Variants in ACCSL observed in about 807,000 individuals in gnomAD.
ACCSL encodes 1-aminocyclopropane-1-carboxylate synthase homolog (inactive) like, also known as probable inactive 1-aminocyclopropane-1-carboxylate synthase-like protein 2.
A neutral mutation model predicts 61.7 loss-of-function variants in ACCSL; 55 were observed. That is an observed-to-expected ratio of 0.89 (90% CI 0.72 to 1.12). The LOEUF (loss-of-function observed/expected upper bound fraction) is 1.12, where lower values mean the gene tolerates loss of function less well. ACCSL is among the 50% of genes most tolerant of loss of function. ACCSL has a pLI of 0.00. For synonymous variants in ACCSL, 258 were observed against 264.3 expected, an observed-to-expected ratio of 0.98 and a Z score of 0.23; for missense variants, 632 against 698.0, an observed-to-expected ratio of 0.91 and a Z score of 1.07.
the ACCSL span, among the ~76,000 whole-genome samples, chr11:43,994,478 A>G: frequency 1.3e-5 from 2 of 151,642 alleles, no homozygotes; most frequent in African/African-American, 4.8e-5. Context: ...TTTTTCCTTT[A>G]TTTGTTCTTT....
At chr11:43,933,979 A>G in the ACCSL span, among the ~76,000 whole-genome samples, 1 of 152,092 alleles carries the variant, frequency 6.6e-6, no homozygotes, top group Non-Finnish European at 1.5e-5. Flanking sequence ...AGCTCATCCC[A>G]GCATGAATGG....
the ACCSL span, among the ~76,000 whole-genome samples, chr11:43,987,041 G>A: frequency 2.2e-4 from 33 of 152,098 alleles, no homozygotes; most frequent in Admixed American, 1.3e-4. Context: ...GTGGCACAGC[G>A]GGGCCTGGGA....
At chr11:43,990,326 C>T in the ACCSL span, among the ~76,000 whole-genome samples, 1 of 152,166 alleles carries the variant, frequency 6.6e-6, no homozygotes, top group Non-Finnish European at 1.5e-5. Context: ...TCTCATTGTT[C>T]TGGAGGCTGG....
chr11:43,943,406 G>T, the ACCSL span: 1 of 1,408,390 alleles, frequency 7.1e-7, no homozygotes, highest in Middle Eastern at 2.1e-4. The surrounding 1 kb of genome is among the most constrained non-coding windows in gnomAD (Gnocchi z 4.8). Context: ...CGCGCGCTCG[G>T]ACTCCCGCCC....
At chr11:44,052,819 C>G in intron 6 of ACCSL, 60 bp downstream of exon 6, 1 of 1,550,234 alleles carries the variant, frequency 6.5e-7, no homozygotes, top group Non-Finnish European at 8.9e-7. Context: ...TCTGGGGACA[C>G]CTAAAGGGGT....
the ACCSL span, among the ~76,000 whole-genome samples, chr11:43,960,240 G>A: frequency 2.0e-5 from 3 of 152,180 alleles, no homozygotes; most frequent in Non-Finnish European, 4.4e-5. Flanking sequence ...TCTTTAGTCT[G>A]CCATGGAATG....
At chr11:43,928,477 T>G in the ACCSL span, among the ~76,000 whole-genome samples, 8 of 152,266 alleles carry the variant, frequency 5.3e-5, no homozygotes, top group African/African-American at 1.9e-4. Context: ...CTTCTTGATA[T>G]GCCTTCACCC....
At chr11:43,925,513 C>T in the ACCSL span, 9 of 450,548 alleles carry the variant, frequency 2.0e-5, no homozygotes, top group Non-Finnish European at 3.6e-5. Context: ...CTGAGCTCTG[C>T]ACCAACCGAT....
the ACCSL span, among the ~76,000 whole-genome samples, chr11:44,024,437 CTCTCTGTGTGTGTGTGTGTGTG>C: frequency 1.3e-5 from 1 of 74,906 alleles, no homozygotes; most frequent in African/African-American, 6.3e-5. Context: ...CTCTCTCTCT[CTCTCTGTGTGTGTGTGTGTGTG>C]TGTGTGTGTG....
chr11:44,058,321 G>T lies in ACCSL; in HGVS notation c.1332G>T (p.Trp444Cys), dbSNP rs752114392. Residue 444 changes from tryptophan (W) to cysteine (C), a missense_variant, in exon 12 of 14, where the codon TGG (tryptophan) becomes TGT (cysteine). Physicochemically the swap from Trp to Cys is radical, Grantham distance 215. Coordinates refer to ENST00000378832, the MANE Select transcript of ACCSL (RefSeq NM_001031854.2). The stretch of plus-strand genomic sequence containing the variant: ...GTTTTTCCTCTACCCATCCAGAATG[G>T]ATTGACAAAGTATACCTACCCACCA... The part of the protein sequence containing the change: ...KLCQLLQNTE[W>C]IDKVYLPTNC... The T allele has an allele frequency of 6.2e-7, 1 of 1,614,174 alleles. No homozygotes were observed. Among genetic ancestry groups the T allele is most frequent in the Non-Finnish European group, 8.5e-7 (1 of 1,180,028 alleles).
chr11:43,996,867 C>T, the ACCSL span, among the ~76,000 whole-genome samples: 1 of 148,526 alleles, frequency 6.7e-6, no homozygotes, highest in Non-Finnish European at 1.5e-5. Context: ...GGCTAAAGAG[C>T]AAGGGTGTAC....
the ACCSL span, among the ~76,000 whole-genome samples, chr11:43,966,272 A>G: frequency 6.6e-6 from 1 of 152,068 alleles, no homozygotes; most frequent in Non-Finnish European, 1.5e-5. Flanking sequence ...CTAAAAATAC[A>G]AAAATTAGCT....
At chr11:44,031,317 G>A in the ACCSL span, among the ~76,000 whole-genome samples, 5 of 152,296 alleles carry the variant, frequency 3.3e-5, no homozygotes, top group Admixed American at 3.3e-4. Context: ...GGCTCCCCCA[G>A]GGTATCTGCT....
the ACCSL span, chr11:43,933,025 G>A: frequency 4.4e-6 from 2 of 454,218 alleles, no homozygotes; most frequent in South Asian, 1.6e-5. Context: ...TACTACCTGG[G>A]AAAACCTCTG....
At chr11:44,044,704 T>C (rs965139838), upstream of ACCSL, among the ~76,000 whole-genome samples, 1 of 152,188 alleles carries the variant, frequency 6.6e-6, no homozygotes, top group African/African-American at 2.4e-5. Flanking sequence ...AGAAGTATCC[T>C]TCTGTAAACA....
chr11:44,026,918 G>A, the ACCSL span, among the ~76,000 whole-genome samples: 82 of 152,054 alleles, frequency 5.4e-4, no homozygotes, highest in Non-Finnish European at 8.7e-4. Context: ...TAGTAGAGAC[G>A]GGTTTCTCCA....
the ACCSL span, among the ~76,000 whole-genome samples, chr11:43,931,645 C>T: frequency 6.6e-6 from 1 of 152,310 alleles, no homozygotes; most frequent in Admixed American, 6.5e-5. Context: ...AGTCGTACTG[C>T]TCTGGGAAGA....
the ACCSL span, among the ~76,000 whole-genome samples, chr11:44,011,880 C>T: frequency 6.6e-6 from 1 of 152,090 alleles, no homozygotes; most frequent in South Asian, 2.1e-4. Context: ...GTTCAATTAC[C>T]TATCAAAATA....
chr11:44,023,437 C>T, the ACCSL span, among the ~76,000 whole-genome samples: 3 of 152,046 alleles, frequency 2.0e-5, no homozygotes, highest in East Asian at 1.9e-4. Context: ...AATCTTTTGG[C>T]GTATGTGGTT....
Sources: gnomAD v4.1 joint callset for allele counts (sites outside exome capture counted in the v4.1 genomes callset) on GRCh38, gnomAD v4.1.1 for gene constraint, Gnocchi (gnomAD v3.1) non-coding constraint, MANE v1.5 for transcripts, NCBI Gene and HGNC (gene_info 2026-07-23, HGNC 2026-07-21) for gene names.